RYR2: variants seen among roughly 807,000 people sequenced by gnomAD.
RYR2 encodes cardiac muscle ryanodine receptor-calcium release channel.
RYR2 carries 227 observed loss-of-function variants against 601.1 expected under a neutral mutation model. That is an observed-to-expected ratio of 0.38 (90% CI 0.34 to 0.42). The LOEUF (loss-of-function observed/expected upper bound fraction) is 0.42. Among genes scored for constraint, RYR2 ranks in the 10% least tolerant of loss-of-function variants. The pLI, the probability that RYR2 is intolerant of heterozygous loss-of-function variation, is 1.00. For synonymous variants in RYR2, 2,223 were observed against 2,175.1 expected (o/e 1.02, Z -0.61); for missense variants, 4,646 against 6,156.5 (o/e 0.75, Z 8.21).
chr1:237,420,253 G>T (rs1356204226), intron 11 of RYR2, among the ~76,000 whole-genome samples: 1 of 152,106 alleles, frequency 6.6e-6, no homozygotes, highest in Non-Finnish European at 1.5e-5. Flanking sequence ...ATATGTGTTA[G>T]TTCCTGTAAT....
intron 26 of RYR2, 84 bp downstream of exon 26, chr1:237,548,674 A>C (rs1284602162): frequency 2.0e-6 from 3 of 1,499,840 alleles, no homozygotes; most frequent in Non-Finnish European, 2.7e-6. Flanking sequence ...CATAATGACT[A>C]TTTTAAAACT....
Position 237,586,840 on chromosome 1 carries a change from C to T in RYR2, c.3599-2953C>T, listed in dbSNP as rs1249894102. ...GTTCAAGAGATTCTCCTGCCTCAGC[C>T]TCCCAAGTAACTGGGACTACAGGTG... On this transcript the variant is annotated intron_variant, in intron 29 of 104. Transcript: ENST00000366574. Among the ~76,000 whole-genome samples the T allele has an allele frequency of 3.9e-5, 6 of 152,100 alleles. 1 individual carries two copies. The highest frequency in any genetic ancestry group is 3.9e-4 in the Admixed American group (6 of 15,266).
intron 73 of RYR2, among the ~76,000 whole-genome samples, chr1:237,721,068 C>A (rs971511135): frequency 3.9e-5 from 6 of 152,118 alleles, no homozygotes; most frequent in African/African-American, 1.2e-4. Context: ...ATGAGATACA[C>A]AGATTTTCAA....
chr1:237,269,918 A>G (rs898787367), intron 1 of RYR2, among the ~76,000 whole-genome samples: 1 of 152,218 alleles, frequency 6.6e-6, no homozygotes, highest in African/African-American at 2.4e-5. Flanking sequence ...AGAGGACTGA[A>G]ATAAATTGTC....
chr1:237,628,227 A>G (rs1679882316), intron 41 of RYR2, 147 bp downstream of exon 41: 1 of 1,015,098 alleles, frequency 9.9e-7, no homozygotes, highest in African/African-American at 1.6e-5. Flanking sequence ...TTTTTTATTT[A>G]TTATTATCAT....
chr1:237,623,145 T>A (rs1049939490), intron 38 of RYR2, among the ~76,000 whole-genome samples: 11 of 152,216 alleles, frequency 7.2e-5, no homozygotes, highest in African/African-American at 2.4e-4. Context: ...CTCTTAGTTA[T>A]GAATTCTTAA....
At chr1:237,129,551 A>C (rs1282161334) in intron 1 of RYR2, among the ~76,000 whole-genome samples, 2 of 152,134 alleles carry the variant, frequency 1.3e-5, no homozygotes, top group Non-Finnish European at 2.9e-5. Flanking sequence ...GCAGGAATGC[A>C]GATCTCTCTT....
intron 1 of RYR2, among the ~76,000 whole-genome samples, chr1:237,251,920 T>C (rs76650090): frequency 0.047 from 7,192 of 152,198 alleles, 191 homozygotes; most frequent in African/African-American, 0.059. Flanking sequence ...ATTATTCTTT[T>C]TCCTATCGTT....
rs774461343 is a variant in RYR2, at chr1:237,773,522, A to T, written c.11649A>T (p.Glu3883Asp). Reference sequence around the variant, plus strand: ...ATAATATCATCTCTATTTCCCAGGAATCAATTAGTGACTTTTATTGGTATT... The same window carrying T: ...ATAATATCATCTCTATTTCCCAGGATTCAATTAGTGACTTTTATTGGTATT... ...STVDYLLRVQ[E>D]SISDFYWYYS... Residue 3883 changes from glutamate to aspartate, a missense_variant and splice_region_variant, in exon 87 of 105, where the codon GAA becomes GAT. By Grantham distance (45) the Glu-to-Asp change is conservative. Transcript: ENST00000366574. 6.3e-7 allele frequency: 1 copy of T among 1,579,848 alleles called. No individual in the cohort carries two copies. The highest frequency in any genetic ancestry group is 1.1e-5 in the South Asian group (1 of 90,214).
At chr1:237,705,697 G>T (rs775442974) in intron 67 of RYR2, among the ~76,000 whole-genome samples, 3 of 152,152 alleles carry the variant, frequency 2.0e-5, no homozygotes, top group Non-Finnish European at 4.4e-5. Flanking sequence ...TCTCTTCTGG[G>T]TGACTGACTG....
intron 66 of RYR2, 42 bp from the exon 67 acceptor site, chr1:237,705,171 T>A: frequency 6.4e-7 from 1 of 1,566,090 alleles, no homozygotes; most frequent in Non-Finnish European, 8.7e-7. Context: ...TTTTAGTTAC[T>A]CACTTGGAAG....
intron 98 of RYR2, among the ~76,000 whole-genome samples, chr1:237,803,809 T>C (rs1451316055): frequency 1.3e-5 from 2 of 152,194 alleles, no homozygotes; most frequent in Non-Finnish European, 2.9e-5. Flanking sequence ...TATTTGATTA[T>C]TTGCTGAATC....
At chr1:237,189,814 C>T (rs1290661495) in intron 1 of RYR2, among the ~76,000 whole-genome samples, 1 of 151,982 alleles carries the variant, frequency 6.6e-6, no homozygotes, top group Admixed American at 6.6e-5. Context: ...AATGGGATTG[C>T]TAGATTGTAT....
At chr1:237,642,665 G>A (rs1342836) in intron 47 of RYR2, among the ~76,000 whole-genome samples, 75,392 of 151,934 alleles carry the variant, frequency 0.5, 19,116 homozygotes, top group Non-Finnish European at 0.54. Context: ...TTCACGCCCT[G>A]TAATGAGGTA....
chr1:237,538,474 A>T (rs1325004170), intron 25 of RYR2, among the ~76,000 whole-genome samples: 1 of 98,792 alleles, frequency 1.0e-5, no homozygotes, highest in Non-Finnish European at 2.5e-5. Context: ...AATGGTGTTT[A>T]AAGAAGTTTT....
At chr1:237,561,520 A>T (rs1671455809) in intron 27 of RYR2, among the ~76,000 whole-genome samples, 1 of 152,228 alleles carries the variant, frequency 6.6e-6, no homozygotes, top group Non-Finnish European at 1.5e-5. Flanking sequence ...AGTGTCAGAA[A>T]GGCCATCGCT....
At chr1:237,622,913 A>T (rs753741783) in intron 38 of RYR2, among the ~76,000 whole-genome samples, 1 of 152,196 alleles carries the variant, frequency 6.6e-6, no homozygotes, top group Non-Finnish European at 1.5e-5. Flanking sequence ...CTGAAAAAGA[A>T]ATCCTAGATC....
At chr1:237,454,351 G>A in intron 14 of RYR2, 40 bp from the exon 15 acceptor site, 4 of 1,544,590 alleles carry the variant, frequency 2.6e-6, no homozygotes, top group Non-Finnish European at 3.5e-6. Flanking sequence ...ATAAAATTGT[G>A]AATCACTGAC....
At chr1:237,364,650 G>T (rs143069240) in intron 5 of RYR2, among the ~76,000 whole-genome samples, 1 of 151,870 alleles carries the variant, frequency 6.6e-6, no homozygotes, top group East Asian at 1.9e-4. Context: ...GATAAATCAC[G>T]TTTAGATTTA....
Sources: allele counts gnomAD v4.1 joint callset (sites outside exome capture counted in the v4.1 genomes callset), GRCh38; gene constraint gnomAD v4.1.1; transcripts MANE v1.5; gene names NCBI Gene and HGNC (gene_info 2026-07-23, HGNC 2026-07-21).